Variants in SYTL2 observed in about 807,000 individuals in gnomAD.
SYTL2 encodes synaptotagmin like 2.
In SYTL2, 165 loss-of-function variants were observed where a neutral mutation model predicts 198.7. The ratio of observed to expected loss-of-function variants is 0.83; its 90% CI spans 0.73 to 0.94. The LOEUF (loss-of-function observed/expected upper bound fraction) is 0.94, where lower values mean the gene tolerates loss of function less well. SYTL2 is among the 40% of genes least tolerant of loss of function. The pLI, the probability that SYTL2 is intolerant of heterozygous loss-of-function variation, is 0.00. For missense variants in SYTL2, 2,835 were observed against 2,582.8 expected, an observed-to-expected ratio of 1.10 and a Z score of -2.12; for synonymous variants, 966 against 917.7, an observed-to-expected ratio of 1.05 and a Z score of -0.95.
At chr11:85,715,480 A>G (rs938227108) in intron 11 of SYTL2, among the ~76,000 whole-genome samples, 1 of 152,182 alleles carries the variant, frequency 6.6e-6, no homozygotes, top group Non-Finnish European at 1.5e-5. Flanking sequence ...TTATCATTAT[A>G]AGAGATATTA....
In SYTL2 at chr11:85,707,431, G is replaced by A. The variant is rs142815066; in HGVS notation, c.6016C>T (p.Arg2006Trp). 3.8e-5 allele frequency: 61 copies of A among 1,606,186 alleles called. No individual in the cohort carries two copies. Among genetic ancestry groups the A allele is most frequent in the South Asian group, 9.9e-5 (9 of 90,800 alleles). Residue 2006 changes from arginine (R) to tryptophan (W), a missense_variant and splice_region_variant, in exon 15 of 20, where the codon CGG becomes TGG. By Grantham distance (101) the Arg-to-Trp change is moderately radical (BLOSUM62 -3). Coordinates refer to ENST00000359152, the MANE Select transcript of SYTL2 (RefSeq NM_206927.4). Reference protein sequence around the residue: ...TLNPVYNEILRYKIEKQILKT... With the variant: ...TLNPVYNEILWYKIEKQILKT... ...CTATAGAGAGAGTTCATAGATACCC[G>A]CAGTATTTCGTTATACACAGGATTC... is the stretch of plus-strand genomic sequence containing the variant.
intron 14 of SYTL2, among the ~76,000 whole-genome samples, chr11:85,708,552 T>C (rs1335168766): frequency 6.6e-6 from 1 of 152,218 alleles, no homozygotes; most frequent in African/African-American, 2.4e-5. Context: ...TTCTGTAAGA[T>C]ATAATTTAAA....
Position 85,726,203 on chromosome 11 carries a change from T to C in SYTL2, c.3155A>G (p.Glu1052Gly), listed in dbSNP as rs200315200. Residue 1052 changes from glutamate to glycine, a missense_variant, in exon 8 of 20, where the codon GAG (glutamate) becomes GGG (glycine). Around this residue, in one of 3 missense-constraint regions of SYTL2, gnomAD observed 2,645 missense variants for 2,381.7 expected, o/e 1.11. Coordinates refer to ENST00000359152, the MANE Select transcript of SYTL2 (RefSeq NM_206927.4). ...GAGTATGCCCTTTGAATTTAATTTC[T>C]CCATTTCCTCTCTTGCCATAACTTT... Reference protein sequence around the residue: ...PKKVMAREEMEKLNSKGILQV... With the variant: ...PKKVMAREEMGKLNSKGILQV... 42 of 1,613,504 alleles carry C rather than the reference T, an allele frequency of 2.6e-5. No individual in the cohort carries two copies. The highest frequency in any genetic ancestry group is 3.5e-5 in the Non-Finnish European group (41 of 1,179,804).
At chr11:85,728,106 G>C (rs550534513) in intron 7 of SYTL2, 139 bp from the exon 8 acceptor site, 2 of 707,524 alleles carry the variant, frequency 2.8e-6, no homozygotes, top group South Asian at 4.7e-5. Context: ...CATTTTTCAG[G>C]GGTTAAAATG....
chr11:85,695,311 T>C lies in SYTL2; in HGVS notation c.6604A>G (p.Met2202Val), dbSNP rs1041661174. The change falls in exon 20 of 20, where the codon ATG (methionine) becomes GTG (valine). Residue 2202 changes from methionine (M) to valine (V), a missense_variant. Met to Val is a conservative substitution (Grantham distance 21). Coordinates refer to ENST00000359152, the MANE Select transcript of SYTL2 (RefSeq NM_206927.4). ...GCAACTTCCTCTGAAGTAGAGTCCATCCAGTCCACTTCAGTCCCATAACTT... is the reference window on the plus strand; with the variant it reads ...GCAACTTCCTCTGAAGTAGAGTCCACCCAGTCCACTTCAGTCCCATAACTT... ...GKSYGTEVDWMDSTSEEVALW... is the reference protein window; with the variant it reads ...GKSYGTEVDWVDSTSEEVALW... 4 of 1,607,132 alleles carry C rather than the reference T, an allele frequency of 2.5e-6. No individual in the cohort carries two copies. Among genetic ancestry groups the C allele is most frequent in the South Asian group, 2.2e-5 (2 of 90,298 alleles).
Position 85,708,761 on chromosome 11 carries a change from A to C in SYTL2, c.5915+570T>G, listed in dbSNP as rs373826911. 1.0e-4 allele frequency among the ~76,000 whole-genome samples: 15 copies of C among 148,940 alleles called. No individual in the cohort carries two copies. In the East Asian group the frequency reaches 1.6e-3, roughly 16 times the overall value. On this transcript the variant is annotated intron_variant, in intron 14 of 19. Transcript: ENST00000359152. The stretch of plus-strand genomic sequence containing the variant: ...TGTCTTCTCTGGTCCTTGCGTTCTT[A>C]TCTGTAAAATGAAGGAACTGAACAA...
At chr11:85,742,054 C>T (rs2090831493) in intron 4 of SYTL2, among the ~76,000 whole-genome samples, 1 of 151,102 alleles carries the variant, frequency 6.6e-6, no homozygotes, top group East Asian at 2.0e-4. Flanking sequence ...AAGGGTTGAT[C>T]TTGTTCTCCC....
At chr11:85,733,415 G>A (rs1224319657) in intron 7 of SYTL2, among the ~76,000 whole-genome samples, 1 of 152,048 alleles carries the variant, frequency 6.6e-6, no homozygotes, top group Non-Finnish European at 1.5e-5. Flanking sequence ...GCCAGAAACT[G>A]TGCTATCCTG....
chr11:85,801,463 T>C (rs2092885524), intron 1 of SYTL2, among the ~76,000 whole-genome samples: 1 of 152,194 alleles, frequency 6.6e-6, no homozygotes, highest in African/African-American at 2.4e-5. Flanking sequence ...TTCCAACACA[T>C]TATGTACTCT....
At position 85,734,652 on chromosome 11, in the gene SYTL2, G is replaced by C. The variant is rs1231867657; in HGVS notation, c.677C>G (p.Ser226Ter). ...TGGAGCCTTGATTTGGGACCCATTT[G>C]AAAGGCCTGGCAAAGTCTGCTTTGA... ...EKSKQTLPGL[S>*]NGSQIKAPIP... The change falls in exon 7 of 20, where the codon TCA becomes TGA. Residue 226 changes from serine (S) to a stop codon, truncating the protein, a stop_gained. Transcript: ENST00000359152. LOFTEE classifies it high-confidence loss of function. 6 of 1,614,060 alleles carry C rather than the reference G, an allele frequency of 3.7e-6. No individual in the cohort carries two copies. In the East Asian group the frequency reaches 1.3e-4, roughly 36 times the overall value.
rs562450223 is a variant in SYTL2, at chr11:85,728,140, C to T, written c.1391-173G>A. 3.6e-5 allele frequency: 21 copies of T among 588,314 alleles called. No individual in the cohort carries two copies. The African/African-American group carries it at 3.7e-4, about 10-fold the overall frequency. 36.4% of individuals were successfully genotyped at this position (588,314 alleles called of 1,614,324 possible). On this transcript the variant is annotated intron_variant, in intron 7 of 19. Transcript: ENST00000359152. ...TGTAAGTTGTCCTAATTAAGGTATTCTACCAAAGGTGCCCTATGACAGTAA... is the reference window on the plus strand; with the variant it reads ...TGTAAGTTGTCCTAATTAAGGTATTTTACCAAAGGTGCCCTATGACAGTAA...
the SYTL2 span, among the ~76,000 whole-genome samples, chr11:85,820,231 T>C: frequency 3.9e-5 from 6 of 152,246 alleles, no homozygotes; most frequent in African/African-American, 1.4e-4. Flanking sequence ...ATATTGTAAA[T>C]ACTAAATTTT....
At chr11:85,776,646 T>C (rs1347034593) in intron 1 of SYTL2, among the ~76,000 whole-genome samples, 1 of 152,198 alleles carries the variant, frequency 6.6e-6, no homozygotes, top group Non-Finnish European at 1.5e-5. Context: ...ATCCAGTCTA[T>C]CACTGATGGA....
At chr11:85,718,143 A>T (rs2087671701) in intron 10 of SYTL2, 1 of 168,872 alleles carries the variant, frequency 5.9e-6, no homozygotes, top group African/African-American at 2.4e-5. Flanking sequence ...CATTTGCATA[A>T]ATTCTGCAAT....
chr11:85,725,747 AC>A lies in SYTL2; in HGVS notation c.3610del (p.Val1204LeufsTer6). ...HVDKTVVHPK[V>X]KRNSLTASLD... ...ACTAGCAGTCAAAGAGTTCCGTTTAACCTTTGGATGAACTACTGTTTTGTCA... is the reference window on the plus strand; with the variant it reads ...ACTAGCAGTCAAAGAGTTCCGTTTAACTTTGGATGAACTACTGTTTTGTCA... On this transcript the variant is annotated frameshift_variant, in exon 8 of 20. Coordinates refer to ENST00000359152, the MANE Select transcript of SYTL2 (RefSeq NM_206927.4). LOFTEE classifies it high-confidence loss of function. 1 of 1,614,118 alleles carries A rather than the reference AC, an allele frequency of 6.2e-7. No homozygotes were observed. Among genetic ancestry groups the A allele is most frequent in the Non-Finnish European group, 8.5e-7 (1 of 1,179,986 alleles).
At chr11:85,695,972 A>G (rs191665497) in intron 19 of SYTL2, among the ~76,000 whole-genome samples, 186 of 152,328 alleles carry the variant, frequency 1.2e-3, no homozygotes, top group African/African-American at 4.3e-3. Flanking sequence ...TAAACTCTAT[A>G]TGCAGAGACA....
intron 2 of SYTL2, among the ~76,000 whole-genome samples, chr11:85,754,828 T>C (rs1018753102): frequency 3.9e-5 from 6 of 152,142 alleles, no homozygotes; most frequent in African/African-American, 1.4e-4. Flanking sequence ...GAGTTTTTTG[T>C]GTCATGATCA....
At chr11:85,782,003 A>G (rs2092568224) in intron 1 of SYTL2, among the ~76,000 whole-genome samples, 1 of 152,218 alleles carries the variant, frequency 6.6e-6, no homozygotes, top group South Asian at 2.1e-4. Flanking sequence ...TCCACTAGGC[A>G]GTGCCCCAGT....
the SYTL2 span, among the ~76,000 whole-genome samples, chr11:85,845,818 A>G: frequency 6.6e-6 from 1 of 152,170 alleles, no homozygotes; most frequent in Admixed American, 6.5e-5. Context: ...TGGGAGGCTG[A>G]GGCAGGAGAA....
Sources: allele counts gnomAD v4.1 joint callset (sites outside exome capture counted in the v4.1 genomes callset), GRCh38; gene constraint gnomAD v4.1.1; regional missense constraint gnomAD v4.1.1; transcripts MANE v1.5; gene names NCBI Gene and HGNC (gene_info 2026-07-23, HGNC 2026-07-21).